Variants in DCC observed in about 807,000 individuals in gnomAD.
The protein encoded by DCC is DCC netrin 1 receptor, also known as netrin receptor DCC.
In DCC, 58 loss-of-function variants were observed where a neutral mutation model predicts 172.5. The observed-to-expected ratio is 0.34, with a 90% confidence interval of 0.27 to 0.42. The LOEUF is 0.42. Among genes scored for constraint, DCC ranks in the 10% least tolerant of loss-of-function variants. The pLI is 1.00. For missense variants in DCC, 1,740 were observed against 1,791.0 expected (o/e 0.97, Z 0.51); for synonymous variants, 709 against 644.5 (o/e 1.10, Z -1.52).
At chr18:52,794,826 TG>T (rs1312187557) in intron 2 of DCC, among the ~76,000 whole-genome samples, 2 of 152,090 alleles carry the variant, frequency 1.3e-5, no homozygotes, top group African/African-American at 4.8e-5. Flanking sequence ...TTTTTATTGT[TG>T]AGAGTTTTTG....
intron 1 of DCC, among the ~76,000 whole-genome samples, chr18:52,527,809 C>T (rs1312478251): frequency 6.6e-6 from 1 of 152,152 alleles, no homozygotes; most frequent in Non-Finnish European, 1.5e-5. Context: ...ATTACTATAC[C>T]TATTTGGCAT....
At chr18:52,636,068 A>C (rs2144889403) in intron 1 of DCC, among the ~76,000 whole-genome samples, 1 of 152,214 alleles carries the variant, frequency 6.6e-6, no homozygotes, top group East Asian at 1.9e-4. Context: ...TCCTGAACAC[A>C]CCCCCCTAAC....
intron 7 of DCC, among the ~76,000 whole-genome samples, chr18:53,135,512 T>A (rs2043727674): frequency 6.6e-6 from 1 of 152,148 alleles, no homozygotes; most frequent in Admixed American, 6.6e-5. Flanking sequence ...TTGCAGGAAT[T>A]ATTTTCTGCA....
intron 12 of DCC, among the ~76,000 whole-genome samples, chr18:53,281,333 G>A (rs1257610197): frequency 1.3e-5 from 2 of 152,206 alleles, no homozygotes; most frequent in South Asian, 2.1e-4. Context: ...AATTTGATAT[G>A]TCATGTAACT....
chr18:53,057,079 TAAAAAA>T (rs11316527), intron 5 of DCC, among the ~76,000 whole-genome samples: 1 of 89,328 alleles, frequency 1.1e-5, no homozygotes, highest in Non-Finnish European at 2.1e-5. Context: ...CTTCTAAAAG[TAAAAAA>T]AAAAAAAAAA....
chr18:53,242,513 C>A (rs73957119), intron 12 of DCC, among the ~76,000 whole-genome samples: 4,737 of 152,194 alleles, frequency 0.031, 226 homozygotes, highest in African/African-American at 0.098. Flanking sequence ...ATATTAGATA[C>A]CTACTACTGT....
At chr18:52,856,005 T>A (rs976369479) in intron 2 of DCC, among the ~76,000 whole-genome samples, 16 of 152,038 alleles carry the variant, frequency 1.1e-4, no homozygotes, top group Admixed American at 1.0e-3. Flanking sequence ...CCTCAGGTGA[T>A]CCACCTGCCT....
intron 1 of DCC, among the ~76,000 whole-genome samples, chr18:52,547,924 A>T (rs917095952): frequency 2.6e-5 from 4 of 152,106 alleles, no homozygotes; most frequent in African/African-American, 9.7e-5. Flanking sequence ...ACCATAGACA[A>T]TCCATAAAGA....
intron 2 of DCC, among the ~76,000 whole-genome samples, chr18:52,802,280 G>T (rs531859982): frequency 6.6e-6 from 1 of 152,076 alleles, no homozygotes; most frequent in East Asian, 1.9e-4. Flanking sequence ...GTTTAATATT[G>T]CTATTGCCAG....
chr18:53,260,652 G>A (rs543625311), intron 12 of DCC, among the ~76,000 whole-genome samples: 3 of 152,252 alleles, frequency 2.0e-5, no homozygotes, highest in Admixed American at 2.0e-4. Flanking sequence ...CGGGGGTCAG[G>A]GACCCACTTG....
At chr18:53,027,447 T>C (rs1254721069) in intron 5 of DCC, among the ~76,000 whole-genome samples, 1 of 152,136 alleles carries the variant, frequency 6.6e-6, no homozygotes, top group Non-Finnish European at 1.5e-5. Flanking sequence ...GAGCTCTAAA[T>C]GTCATTCGGA....
chr18:52,553,549 C>T (rs2032833312), intron 1 of DCC, among the ~76,000 whole-genome samples: 1 of 151,958 alleles, frequency 6.6e-6, no homozygotes, highest in Non-Finnish European at 1.5e-5. Context: ...TTATTATGCA[C>T]CTCCAAGAGG....
At chr18:52,436,922 A>G (rs546747957) in intron 1 of DCC, among the ~76,000 whole-genome samples, 8 of 152,182 alleles carry the variant, frequency 5.3e-5, no homozygotes, top group Non-Finnish European at 1.2e-4. Flanking sequence ...TCTGCCTCAA[A>G]AAAATGAAAA....
chr18:52,968,945 C>T (rs1334484829), intron 5 of DCC, among the ~76,000 whole-genome samples: 2 of 152,082 alleles, frequency 1.3e-5, no homozygotes, highest in South Asian at 2.1e-4. Context: ...TTTCCCCCTT[C>T]GGATGAGACT....
chr18:52,693,201 A>G (rs987333534), intron 1 of DCC, among the ~76,000 whole-genome samples: 8 of 151,696 alleles, frequency 5.3e-5, no homozygotes, highest in Non-Finnish European at 1.2e-4. Flanking sequence ...TCAGTTTAAT[A>G]TATATTCAGA....
chr18:53,322,862 T>C (rs2057428778), intron 14 of DCC, among the ~76,000 whole-genome samples: 1 of 151,704 alleles, frequency 6.6e-6, no homozygotes, highest in Admixed American at 6.6e-5. Context: ...AGCAGAAATA[T>C]ATAGAATTAG....
chr18:52,541,088 G>A lies in DCC; in HGVS notation c.91+200210G>A, dbSNP rs113145739. Among the ~76,000 whole-genome samples the A allele has an allele frequency of 9.2e-5, 14 of 152,270 alleles. 1 individual carries two copies. The highest frequency in any genetic ancestry group is 4.1e-4 in the South Asian group (2 of 4,820). ...CTATCCGGTAAGCTAAGTAAAACAG[G>A]TGACTGCCTCTACAGCTGAGAATAA... On this transcript the variant is annotated intron_variant, in intron 1 of 28. Transcript: ENST00000442544.
intron 7 of DCC, among the ~76,000 whole-genome samples, chr18:53,151,748 TCTTA>T (rs1306552789): frequency 2.6e-5 from 4 of 152,156 alleles, no homozygotes; most frequent in African/African-American, 4.8e-5. Flanking sequence ...AATCTACATT[TCTTA>T]CTTTTTCTAA....
At chr18:53,263,255 G>A (rs950108453) in intron 12 of DCC, among the ~76,000 whole-genome samples, 8 of 152,218 alleles carry the variant, frequency 5.3e-5, no homozygotes, top group East Asian at 1.9e-4. Context: ...GGGTTCAAGC[G>A]ATTCTCCTGC....
Sources: allele counts gnomAD v4.1 joint callset (sites outside exome capture counted in the v4.1 genomes callset), GRCh38; gene constraint gnomAD v4.1.1; transcripts MANE v1.5; gene names NCBI Gene and HGNC (gene_info 2026-07-23, HGNC 2026-07-21).